The following GLB1 variants were observed in gnomAD, a reference collection of about 807,000 sequenced individuals.
GLB1 encodes galactosidase beta 1, also known as beta-galactosidase.
GLB1 carries 56 observed loss-of-function variants against 74.0 expected under a neutral mutation model. The observed-to-expected ratio is 0.76, with a 90% CI of 0.61 to 0.94. The LOEUF is 0.94. Ranked by LOEUF, GLB1 falls within the 40% of genes least tolerant of loss-of-function variation. GLB1 has a pLI of 0.00. For synonymous variants in GLB1, 323 were observed against 323.6 expected, an observed-to-expected ratio of 1.00 and a Z score of 0.02; for missense variants, 787 against 845.5, an observed-to-expected ratio of 0.93 and a Z score of 0.86.
chr3:33,094,541 T>C (rs1288813300), intron 1 of GLB1, among the ~76,000 whole-genome samples: 1 of 152,244 alleles, frequency 6.6e-6, no homozygotes, highest in Non-Finnish European at 1.5e-5. Flanking sequence ...ACAGTAAGCA[T>C]GTACTTGTTT....
intron 6 of GLB1, among the ~76,000 whole-genome samples, chr3:33,054,477 T>C (rs1699135467): frequency 1.3e-5 from 2 of 152,228 alleles, no homozygotes; most frequent in Non-Finnish European, 2.9e-5. Context: ...GACACATATC[T>C]TGTGGGCTTA....
downstream of GLB1, among the ~76,000 whole-genome samples, chr3:32,992,625 T>C (rs1161202740): frequency 2.0e-5 from 3 of 152,134 alleles, no homozygotes; most frequent in Non-Finnish European, 4.4e-5. Flanking sequence ...TGATGGAAAG[T>C]GATGGAGCAG....
chr3:33,051,537 G>C (rs1283854722), intron 9 of GLB1, among the ~76,000 whole-genome samples: 1 of 149,228 alleles, frequency 6.7e-6, no homozygotes, highest in Non-Finnish European at 1.5e-5. Context: ...CCTGGGAGGT[G>C]GAGGCTGCAG....
At chr3:33,084,895 C>A (rs558457182) in intron 1 of GLB1, among the ~76,000 whole-genome samples, 2 of 152,148 alleles carry the variant, frequency 1.3e-5, no homozygotes, top group East Asian at 3.9e-4. Flanking sequence ...ACCACATTGA[C>A]GTTACTATTT....
intron 1 of GLB1, chr3:33,090,937 T>C: frequency 8.1e-6 from 8 of 983,754 alleles, no homozygotes; most frequent in Non-Finnish European, 9.6e-6. Flanking sequence ...AAAAAAAAAA[T>C]AGGACTTAAT....
chr3:33,015,035 A>G (rs1006268879), intron 14 of GLB1, among the ~76,000 whole-genome samples: 4 of 152,146 alleles, frequency 2.6e-5, no homozygotes, highest in Admixed American at 2.6e-4. Flanking sequence ...ATGCACGTAT[A>G]GTCCCAACTA....
In GLB1 at chr3:33,008,862, G is replaced by A. The variant is rs140350075; in HGVS notation, c.1734+5194C>T. Among the ~76,000 whole-genome samples the A allele has an allele frequency of 7.1e-3, 1,086 of 152,314 alleles. 26 individuals carry two copies. The South Asian group carries it at 0.09, about 13-fold the overall frequency. ...TGGCCGGGCGCAGTGGTTCACGCCT[G>A]TAATCCCAGCACTCTGGGAGGCCGA... On this transcript the variant is annotated intron_variant, in intron 15 of 15. Coordinates refer to ENST00000307363, the MANE Select transcript of GLB1 (RefSeq NM_000404.4).
intron 4 of GLB1, among the ~76,000 whole-genome samples, chr3:33,067,004 T>TTA (rs1485999660): frequency 6.8e-6 from 1 of 147,458 alleles, no homozygotes; most frequent in Non-Finnish European, 1.5e-5. Context: ...TTTTATTTCT[T>TTA]TTTTTTTTTT....
intron 5 of GLB1, among the ~76,000 whole-genome samples, chr3:33,062,737 G>A (rs183918519): frequency 4.6e-5 from 7 of 152,180 alleles, no homozygotes; most frequent in East Asian, 1.9e-4. Context: ...GCAGTGAGCC[G>A]AGATCTCATC....
In GLB1 at chr3:33,052,013, A is replaced by T. The variant is rs765504729; in HGVS notation, c.793-9T>A. ...TAGAATTCAGAATTGATCTAAAACA[A>T]AAAAAGAACGTAGCCCTTAGGATAG... On this transcript the variant is annotated splice_polypyrimidine_tract_variant and intron_variant, in intron 7 of 15. Coordinates refer to ENST00000307363, the MANE Select transcript of GLB1 (RefSeq NM_000404.4). 6.8e-6 allele frequency: 11 copies of T among 1,613,792 alleles called. No homozygotes were observed. The South Asian group carries it at 1.1e-4, about 16-fold the overall frequency.
chr3:32,990,703 G>A, the GLB1 span, among the ~76,000 whole-genome samples: 1 of 152,198 alleles, frequency 6.6e-6, no homozygotes, highest in African/African-American at 2.4e-5. Context: ...GTCGGGCGCG[G>A]TGGCTCACGC....
In GLB1 at chr3:33,046,270, G is replaced by T. The variant is rs765971859; in HGVS notation, c.956-38C>A. Reference sequence around the variant, plus strand: ...AATGTGCCACTAGTTATTACTGATGGTGCAGCTCTGGGACAAGTTCTTTGG... The same window carrying T: ...AATGTGCCACTAGTTATTACTGATGTTGCAGCTCTGGGACAAGTTCTTTGG... On this transcript the variant is annotated intron_variant, in intron 9 of 15. Coordinates refer to ENST00000307363, the MANE Select transcript of GLB1 (RefSeq NM_000404.4). 1.4e-5 allele frequency: 22 copies of T among 1,610,264 alleles called. No homozygotes were observed. The South Asian group carries it at 2.4e-4, about 18-fold the overall frequency.
intron 1 of GLB1, chr3:33,077,160 G>T: frequency 6.9e-7 from 1 of 1,454,604 alleles, no homozygotes; most frequent in South Asian, 1.2e-5. Context: ...GTGCAGTCTT[G>T]GTACCTCTTT....
Position 33,092,792 on chromosome 3 carries a change from C to T in GLB1, c.75+4219G>A, listed in dbSNP as rs114144251. 5.7e-5 allele frequency: 88 copies of T among 1,542,338 alleles called. No individual in the cohort carries two copies. In the African/African-American group the frequency reaches 1.0e-3, roughly 18 times the overall value. On this transcript the variant is annotated intron_variant, in intron 1 of 15. Transcript: ENST00000307363. ...ACCACTCTGAAGCAGGATGGAGGGT[C>T]GAGGACAAGGGCAGGGCAGAGGTGC... is the stretch of plus-strand genomic sequence containing the variant.
chr3:33,091,034 A>C, intron 1 of GLB1: 1 of 985,458 alleles, frequency 1.0e-6, no homozygotes, highest in East Asian at 1.1e-4. Flanking sequence ...AGGTGAGTCA[A>C]ACATTACCAG....
At chr3:33,094,086 A>G (rs1400561107) in intron 1 of GLB1, 3 of 1,614,138 alleles carry the variant, frequency 1.9e-6, no homozygotes, top group East Asian at 4.5e-5. Flanking sequence ...CCAGGCCCTG[A>G]GCTCAAGGCT....
At chr3:33,032,577 T>C (rs917751393) in intron 10 of GLB1, among the ~76,000 whole-genome samples, 1 of 140,962 alleles carries the variant, frequency 7.1e-6, no homozygotes, top group Non-Finnish European at 1.6e-5. Flanking sequence ...AACACTTTTC[T>C]TTCCTAATTT....
chr3:33,078,880 G>A (rs979032464), intron 1 of GLB1, among the ~76,000 whole-genome samples: 17 of 151,908 alleles, frequency 1.1e-4, no homozygotes, highest in Admixed American at 1.3e-4. Flanking sequence ...GTCTTGCTCC[G>A]TCACCCAGGC....
intron 15 of GLB1, among the ~76,000 whole-genome samples, chr3:33,009,878 T>A (rs1034966727): frequency 2.0e-5 from 3 of 152,198 alleles, no homozygotes; most frequent in Admixed American, 6.5e-5. Context: ...AGCCTTTTAG[T>A]TTTGGCTTCT....
Sources: allele counts gnomAD v4.1 joint callset (sites outside exome capture counted in the v4.1 genomes callset), GRCh38; gene constraint gnomAD v4.1.1; transcripts MANE v1.5; gene names NCBI Gene and HGNC (gene_info 2026-07-23, HGNC 2026-07-21).